The following HEPHL1 variants were observed in gnomAD, a reference collection of about 807,000 sequenced individuals.
HEPHL1 encodes the protein ferroxidase HEPHL1.
In HEPHL1, 123 loss-of-function variants were observed where a neutral mutation model predicts 122.0. That is an observed-to-expected ratio of 1.01 (90% confidence interval 0.87 to 1.17). HEPHL1 has a LOEUF of 1.17. Ranked by LOEUF, HEPHL1 falls within the 50% of genes most tolerant of loss-of-function variation. HEPHL1 has a pLI of 0.00. For synonymous variants in HEPHL1, 527 were observed against 508.9 expected, an observed-to-expected ratio of 1.04 and a Z score of -0.48; for missense variants, 1,452 against 1,430.5, an observed-to-expected ratio of 1.01 and a Z score of -0.24.
intron 13 of HEPHL1, among the ~76,000 whole-genome samples, chr11:94,098,356 C>T (rs1206088602): frequency 6.6e-6 from 1 of 152,210 alleles, no homozygotes; most frequent in African/African-American, 2.4e-5. Context: ...TCTCTTCTGG[C>T]TTGTAGAGTT....
intron 2 of HEPHL1, among the ~76,000 whole-genome samples, chr11:94,060,016 T>C (rs1945971466): frequency 6.6e-6 from 1 of 151,316 alleles, no homozygotes; most frequent in East Asian, 1.9e-4. Context: ...TAGAAAAGAA[T>C]CTTCCAAGCC....
intron 1 of HEPHL1, among the ~76,000 whole-genome samples, chr11:94,031,787 C>A (rs532550846): frequency 1.3e-5 from 2 of 152,326 alleles, no homozygotes; most frequent in East Asian, 3.9e-4. Context: ...CGGACTCCAC[C>A]TCAAGGGTGG....
At chr11:94,031,080 C>T (rs771990669) in intron 1 of HEPHL1, among the ~76,000 whole-genome samples, 9 of 151,992 alleles carry the variant, frequency 5.9e-5, no homozygotes, top group Non-Finnish European at 1.2e-4. Flanking sequence ...GAATTTTGGC[C>T]CCTTGGAGGC....
At chr11:94,108,369 T>G (rs1416916070) in intron 17 of HEPHL1, among the ~76,000 whole-genome samples, 1 of 152,138 alleles carries the variant, frequency 6.6e-6, no homozygotes. Context: ...TTTCATTCTC[T>G]TAACAGCTTT....
chr11:94,056,296 C>T (rs544043501), intron 2 of HEPHL1, among the ~76,000 whole-genome samples: 9 of 152,108 alleles, frequency 5.9e-5, no homozygotes, highest in Non-Finnish European at 1.0e-4. Context: ...TTTTTTCCCC[C>T]AGTTTGACAA....
At chr11:94,089,058 G>T in intron 12 of HEPHL1, 90 bp downstream of exon 12, 1 of 1,183,794 alleles carries the variant, frequency 8.4e-7, no homozygotes, top group Non-Finnish European at 1.3e-6. Context: ...AAATTCCCAG[G>T]TTGTGTCTCC....
rs1591482544 is a variant in HEPHL1 at position 94,085,852 on chromosome 11, G to A, written c.1868-125G>A. The stretch of plus-strand genomic sequence containing the variant: ...TCTCCATTTTAAGTGGATTCACCAT[G>A]TGGCTTTTCCCTGGTACTGTTTATT... On this transcript the variant is annotated intron_variant, in intron 10 of 19. Transcript: ENST00000315765. 11 of 655,338 alleles carry A rather than the reference G, an allele frequency of 1.7e-5. No individual in the cohort carries two copies. The South Asian group carries it at 2.0e-4, about 12-fold the overall frequency. The allele number at this position is 655,338 out of a possible 1,614,324, so 40.6% of individuals were successfully genotyped here. A position where few individuals can be genotyped will look rare whatever the true frequency, so the allele number is the denominator to read the frequency against.
intron 12 of HEPHL1, among the ~76,000 whole-genome samples, chr11:94,091,644 T>C (rs953074146): frequency 2.0e-5 from 3 of 152,094 alleles, no homozygotes; most frequent in African/African-American, 7.2e-5. Context: ...GTATGTTCTA[T>C]GAGAGGGGAA....
intron 11 of HEPHL1, among the ~76,000 whole-genome samples, chr11:94,087,525 T>A (rs1397042615): frequency 6.6e-6 from 1 of 152,176 alleles, no homozygotes; most frequent in Non-Finnish European, 1.5e-5. Flanking sequence ...GACTATATGC[T>A]GCAACTCAAA....
intron 9 of HEPHL1, among the ~76,000 whole-genome samples, chr11:94,078,890 G>A (rs1236865832): frequency 6.6e-6 from 1 of 152,068 alleles, no homozygotes; most frequent in Non-Finnish European, 1.5e-5. Flanking sequence ...TAATGTGTGA[G>A]CAAAAATCTG....
chr11:94,051,010 C>A (rs1340022960), intron 2 of HEPHL1, among the ~76,000 whole-genome samples: 2 of 152,120 alleles, frequency 1.3e-5, no homozygotes, highest in Non-Finnish European at 2.9e-5. Flanking sequence ...GAATAGTACT[C>A]CATTGTGTAT....
chr11:94,062,642 C>T (rs1945995474), intron 2 of HEPHL1, among the ~76,000 whole-genome samples: 1 of 143,594 alleles, frequency 7.0e-6, no homozygotes, highest in Admixed American at 6.9e-5. Flanking sequence ...TACCATCCAG[C>T]TTTTTTTTTT....
intron 17 of HEPHL1, among the ~76,000 whole-genome samples, chr11:94,108,484 T>C (rs1294137061): frequency 1.3e-5 from 2 of 152,046 alleles, no homozygotes; most frequent in Non-Finnish European, 2.9e-5. Flanking sequence ...AATTTTGGCC[T>C]TACTGAAGGT....
chr11:94,105,629 T>C (rs1452388313), intron 16 of HEPHL1, among the ~76,000 whole-genome samples: 1 of 152,232 alleles, frequency 6.6e-6, no homozygotes, highest in African/African-American at 2.4e-5. Context: ...TCAATTTTTA[T>C]TTACATAAAC....
At chr11:94,037,692 A>G (rs1310070691) in intron 1 of HEPHL1, among the ~76,000 whole-genome samples, 1 of 152,122 alleles carries the variant, frequency 6.6e-6, no homozygotes, top group African/African-American at 2.4e-5. Context: ...ACAAACAGAA[A>G]GGACATCCAC....
chr11:94,073,194 A>G (rs377572606), intron 7 of HEPHL1, 30 bp downstream of exon 7: 2 of 1,611,762 alleles, frequency 1.2e-6, no homozygotes, highest in African/African-American at 2.7e-5. Context: ...CATGCATTGA[A>G]CCCAGGGAGA....
At chr11:94,023,505 C>G (rs1945598617) in intron 1 of HEPHL1, among the ~76,000 whole-genome samples, 2 of 152,130 alleles carry the variant, frequency 1.3e-5, no homozygotes, top group Non-Finnish European at 2.9e-5. Context: ...TTGATCATTT[C>G]AACCAGAAGA....
intron 1 of HEPHL1, among the ~76,000 whole-genome samples, chr11:94,031,369 C>CAA (rs1491476486): frequency 7.1e-6 from 1 of 140,216 alleles, no homozygotes; most frequent in Non-Finnish European, 1.5e-5. Flanking sequence ...CACACACACA[C>CAA]AAATGGGATA....
At chr11:94,072,861 A>G (rs1034083468) in intron 6 of HEPHL1, among the ~76,000 whole-genome samples, 164 bp from the exon 7 acceptor site, 4 of 152,152 alleles carry the variant, frequency 2.6e-5, no homozygotes, top group African/African-American at 9.7e-5. Flanking sequence ...GAAGACTTTT[A>G]GGGCTGGTTA....
Sources: gnomAD v4.1 joint callset for allele counts (sites outside exome capture counted in the v4.1 genomes callset) on GRCh38, gnomAD v4.1.1 for gene constraint, MANE v1.5 for transcripts, NCBI Gene and HGNC (gene_info 2026-07-23, HGNC 2026-07-21) for gene names.